Variants in VIPR1 observed in about 807,000 individuals in gnomAD.
VIPR1 encodes the protein vasoactive intestinal polypeptide receptor 1.
A neutral mutation model predicts 58.8 loss-of-function variants in VIPR1; 59 were observed. The observed-to-expected ratio is 1.00, with a 90% confidence interval of 0.81 to 1.25. VIPR1 has a LOEUF of 1.25. VIPR1 is among the 50% of genes most tolerant of loss of function. The probability of loss-of-function intolerance (pLI) is 0.00; values close to 1 mark genes in which losing one functional copy is unlikely to be tolerated. For missense variants in VIPR1, 626 were observed against 602.7 expected (o/e 1.04, Z -0.40); for synonymous variants, 251 against 242.1 (o/e 1.04, Z -0.34).
rs1700420381 is a variant in VIPR1, at chr3:42,512,785, G to A, written c.79-964G>A. The A allele has an allele frequency of 3.0e-6, 3 of 985,372 alleles. No homozygotes were observed. In the South Asian group the frequency reaches 1.4e-4, roughly 46 times the overall value. The allele number at this position is 985,372 out of a possible 1,614,324, so 61.0% of individuals were successfully genotyped here. ...AGGAAACTGGTGTGGGGTTGCCGGG[G>A]CCAGCAACCACTTTTCTAAAGCCAA... is the stretch of plus-strand genomic sequence containing the variant. On this transcript the variant is annotated intron_variant, in intron 1 of 12. Transcript: ENST00000325123.
chr3:42,502,526 G>T (rs1440043349), upstream of VIPR1: 3 of 363,060 alleles, frequency 8.3e-6, no homozygotes, highest in Non-Finnish European at 1.5e-5. Context: ...ATACCTGCGC[G>T]GCGGCCCCGC....
In VIPR1 at chr3:42,502,801, C is replaced by G; in HGVS notation, c.66C>G (p.Ala22=). ...LCVLAGALAW[A]LGPAGGQAAR... is the part of the protein sequence containing the mutation. The stretch of plus-strand genomic sequence containing the variant: ...TGCTGGCAGGCGCCCTCGCCTGGGC[C>G]CTTGGGCCGGCGGTGAGTGTTCGCC... The change falls in exon 1 of 13, where the codon GCC becomes GCG. Residue 22 remains alanine, a synonymous_variant. Coordinates refer to ENST00000325123, the MANE Select transcript of VIPR1 (RefSeq NM_004624.4). 2 of 1,271,110 alleles carry G rather than the reference C, an allele frequency of 1.6e-6. No individual in the cohort carries two copies. Among genetic ancestry groups the G allele is most frequent in the Non-Finnish European group, 2.0e-6 (2 of 1,010,154 alleles). The allele number at this position is 1,271,110 out of a possible 1,614,324, so 78.7% of individuals were successfully genotyped here.
Position 42,531,954 on chromosome 3 carries a change from A to G in VIPR1, c.918+85A>G, listed in dbSNP as rs964288627. 2.3e-5 allele frequency: 34 copies of G among 1,497,294 alleles called. No individual in the cohort carries two copies. In the African/African-American group the frequency reaches 3.5e-4, roughly 15 times the overall value. The allele number at this position is 1,497,294 out of a possible 1,614,324, so 92.8% of individuals were successfully genotyped here. The stretch of plus-strand genomic sequence containing the variant: ...GCCCAAGGTCACATGGGAAATTAGT[A>G]TCTAGGTCAGAACTGAAACGTAGCT... On this transcript the variant is annotated intron_variant, in intron 9 of 12. Coordinates refer to ENST00000325123, the MANE Select transcript of VIPR1 (RefSeq NM_004624.4).
chr3:42,504,499 A>G (rs1312952797), intron 1 of VIPR1, among the ~76,000 whole-genome samples: 1 of 151,338 alleles, frequency 6.6e-6, no homozygotes, highest in African/African-American at 2.4e-5. Context: ...CTTCAGCCCT[A>G]CCCACCTCCC....
At chr3:42,522,977 C>A (rs1243800238) in intron 3 of VIPR1, among the ~76,000 whole-genome samples, 1 of 152,174 alleles carries the variant, frequency 6.6e-6, no homozygotes, top group Non-Finnish European at 1.5e-5. Context: ...TCAGGTGAAG[C>A]CCAGCCCAAG....
intron 1 of VIPR1, among the ~76,000 whole-genome samples, chr3:42,494,270 T>C (rs148217354): frequency 2.5e-4 from 38 of 152,388 alleles, no homozygotes; most frequent in African/African-American, 8.9e-4. Context: ...CATGAAATTA[T>C]AAAATGGAAA....
At chr3:42,535,835 G>T (rs1038130029) in intron 12 of VIPR1, among the ~76,000 whole-genome samples, 1 of 152,124 alleles carries the variant, frequency 6.6e-6, no homozygotes, top group African/African-American at 2.4e-5. Flanking sequence ...CCCCTAGGCA[G>T]CATCCCTCCC....
intron 1 of VIPR1, chr3:42,507,853 A>T (rs1700185472): frequency 6.9e-6 from 1 of 144,516 alleles, no homozygotes; most frequent in African/African-American, 2.6e-5. Flanking sequence ...CTGTATCCTT[A>T]TGTCTCCCCC....
chr3:42,492,042 C>A lies in VIPR1; in HGVS notation c.-245+2364C>A, dbSNP rs188908404. Among the ~76,000 whole-genome samples, 43 of 152,222 alleles carry A rather than the reference C, an allele frequency of 2.8e-4. No individual in the cohort carries two copies. In the East Asian group the frequency reaches 7.7e-3, roughly 27 times the overall value. On this transcript the variant is annotated intron_variant, in intron 1 of 13. Coordinates refer to the VIPR1 transcript ENST00000433647. ...ACTGCAAGCAAAGGGTGAGAGAAAGCAGTCAGGGATGCGCTTGCAAGAAAA... is the reference window on the plus strand; with the variant it reads ...ACTGCAAGCAAAGGGTGAGAGAAAGAAGTCAGGGATGCGCTTGCAAGAAAA...
At chr3:42,524,538 G>A (rs1701127494) in intron 3 of VIPR1, among the ~76,000 whole-genome samples, 2 of 152,120 alleles carry the variant, frequency 1.3e-5, no homozygotes, top group African/African-American at 2.4e-5. Context: ...ACCCCTAGCT[G>A]TCCCTCAGTT....
intron 8 of VIPR1, 100 bp from the exon 9 acceptor site, chr3:42,531,703 A>C (rs1017159704): frequency 5.7e-6 from 9 of 1,570,758 alleles, no homozygotes; most frequent in Non-Finnish European, 7.9e-6. Context: ...GGGGTTGCTA[A>C]AGTGCTCAGG....
At chr3:42,504,858 G>A (rs551889056) in intron 1 of VIPR1, among the ~76,000 whole-genome samples, 21 of 142,516 alleles carry the variant, frequency 1.5e-4, no homozygotes, top group Admixed American at 5.2e-4. Flanking sequence ...TGTTTATGGT[G>A]CCCTGACTTC....
At chr3:42,513,675 C>T in intron 1 of VIPR1, 74 bp from the exon 2 acceptor site, 3 of 1,449,910 alleles carry the variant, frequency 2.1e-6, no homozygotes, top group Non-Finnish European at 2.8e-6. Context: ...AGGGCAGGTG[C>T]AGTCCAGAGA....
At chr3:42,504,701 C>G (rs1559479118) in intron 1 of VIPR1, among the ~76,000 whole-genome samples, 1 of 149,354 alleles carries the variant, frequency 6.7e-6, no homozygotes, top group Non-Finnish European at 1.5e-5. Flanking sequence ...CCACCAGCTA[C>G]CAATCGCTCC....
intron 12 of VIPR1, 130 bp from the exon 13 acceptor site, chr3:42,535,959 TA>T: frequency 8.5e-7 from 1 of 1,173,486 alleles, no homozygotes. Context: ...CGAGGCAGCA[TA>T]GGGGTCCCTC....
intron 10 of VIPR1, 128 bp from the exon 11 acceptor site, chr3:42,534,847 C>T (rs1483321616): frequency 6.7e-5 from 83 of 1,234,402 alleles, no homozygotes; most frequent in Non-Finnish European, 8.6e-5. Flanking sequence ...GAGGAACCTA[C>T]AGTCCATCCT....
At chr3:42,505,159 A>C (rs1350434109) in intron 1 of VIPR1, among the ~76,000 whole-genome samples, 2 of 150,744 alleles carry the variant, frequency 1.3e-5, no homozygotes, top group African/African-American at 4.8e-5. Context: ...GAAAGAGTCC[A>C]GGTGGATGTG....
intron 1 of VIPR1, 73 bp downstream of exon 1, chr3:42,502,886 C>T: frequency 1.9e-6 from 2 of 1,061,540 alleles, no homozygotes; most frequent in African/African-American, 1.6e-5. Flanking sequence ...TGGGGGATGG[C>T]GGGAGCCGGG....
intron 1 of VIPR1, chr3:42,506,663 G>A (rs1700132341): frequency 6.6e-6 from 1 of 152,062 alleles, no homozygotes; most frequent in Non-Finnish European, 1.5e-5. Flanking sequence ...TAGGAGCTGA[G>A]ATTACAGGCT....
Sources: allele counts gnomAD v4.1 joint callset (sites outside exome capture counted in the v4.1 genomes callset), GRCh38; gene constraint gnomAD v4.1.1; transcripts MANE v1.5; gene names NCBI Gene and HGNC (gene_info 2026-07-23, HGNC 2026-07-21).